ODAD2: variants seen among roughly 807,000 people sequenced by gnomAD.
ODAD2 encodes the protein outer dynein arm docking complex subunit 2, also known as outer dynein arm-docking complex subunit 2.
In ODAD2, 89 loss-of-function variants were observed where a neutral mutation model predicts 106.8. The ratio of observed to expected loss-of-function variants is 0.83; its 90% CI spans 0.70 to 0.99. The LOEUF (loss-of-function observed/expected upper bound fraction) is 0.99, where lower values mean the gene tolerates loss of function less well. ODAD2 is among the 50% of genes least tolerant of loss of function. The pLI, the probability that ODAD2 is intolerant of heterozygous loss-of-function variation, is 0.00. For missense variants in ODAD2, 1,168 were observed against 1,238.5 expected (o/e 0.94, Z 0.85); for synonymous variants, 404 against 436.2 (o/e 0.93, Z 0.92).
At chr10:27,856,946 G>A (rs184277182) in intron 19 of ODAD2, among the ~76,000 whole-genome samples, 1 of 152,160 alleles carries the variant, frequency 6.6e-6, no homozygotes, top group Admixed American at 6.5e-5. Flanking sequence ...CAGCCTGGAC[G>A]ACAAGACCGA....
intron 19 of ODAD2, among the ~76,000 whole-genome samples, chr10:27,830,105 T>C (rs934201850): frequency 3.3e-5 from 5 of 152,168 alleles, no homozygotes; most frequent in Admixed American, 6.5e-5. Flanking sequence ...TTGCTCCCCA[T>C]AGAGATCCTT....
intron 7 of ODAD2, among the ~76,000 whole-genome samples, chr10:27,973,016 CATTA>C (rs1198152911): frequency 1.3e-5 from 2 of 151,880 alleles, no homozygotes. Flanking sequence ...ATAAAATGAA[CATTA>C]ATAAGTTTAA....
At chr10:27,936,218 TTAAAA>T (rs575700355) in intron 15 of ODAD2, among the ~76,000 whole-genome samples, 94 of 152,240 alleles carry the variant, frequency 6.2e-4, no homozygotes, top group African/African-American at 2.2e-3. Context: ...GATTTGAAAA[TTAAAA>T]TAAATCAAAT....
At chr10:27,937,713 A>G (rs763052085) in intron 14 of ODAD2, among the ~76,000 whole-genome samples, 1 of 152,148 alleles carries the variant, frequency 6.6e-6, no homozygotes, top group Non-Finnish European at 1.5e-5. Flanking sequence ...TCACCCATGG[A>G]GGCCACTAGA....
At position 27,872,964 on chromosome 10, in the gene ODAD2, C is replaced by A. The variant is rs566981359; in HGVS notation, c.2611-10342G>T. Among the ~76,000 whole-genome samples the A allele has an allele frequency of 5.3e-5, 8 of 152,232 alleles. No homozygotes were observed. In the South Asian group the frequency reaches 1.7e-3, roughly 32 times the overall value. On this transcript the variant is annotated intron_variant, in intron 17 of 19. Transcript: ENST00000305242. ...TCCTCCTTGTACTTCTGGTAGCATT[C>A]GGCTATGAATCCCTCTGATCCTGGA...
At chr10:27,943,970 G>A (rs990180579) in intron 12 of ODAD2, among the ~76,000 whole-genome samples, 2 of 152,040 alleles carry the variant, frequency 1.3e-5, no homozygotes, top group African/African-American at 4.8e-5. Flanking sequence ...ACGTACAATA[G>A]GTGGTGACAG....
chr10:27,961,245 C>A (rs1286751842), intron 10 of ODAD2, among the ~76,000 whole-genome samples: 7 of 152,128 alleles, frequency 4.6e-5, no homozygotes, highest in Admixed American at 1.3e-4. Context: ...TAACCGAAGT[C>A]CAGCTTTAAA....
chr10:27,849,545 TATAATA>T (rs757625420), intron 19 of ODAD2, among the ~76,000 whole-genome samples: 1 of 151,556 alleles, frequency 6.6e-6, no homozygotes, highest in African/African-American at 2.4e-5. Context: ...GAACTTAAAA[TATAATA>T]ATAATAATAA....
intron 19 of ODAD2, among the ~76,000 whole-genome samples, chr10:27,830,654 T>G (rs1837405422): frequency 6.6e-6 from 1 of 152,184 alleles, no homozygotes; most frequent in African/African-American, 2.4e-5. Flanking sequence ...ATGAAGAGCA[T>G]AATTTTTATG....
chr10:27,893,159 A>C (rs80096294), intron 17 of ODAD2, among the ~76,000 whole-genome samples: 3 of 151,476 alleles, frequency 2.0e-5, no homozygotes, highest in African/African-American at 7.3e-5. Flanking sequence ...ACTCCTTCTC[A>C]AAAAAAAAGA....
At chr10:27,908,338 G>A (rs1228158099) in intron 16 of ODAD2, among the ~76,000 whole-genome samples, 2 of 152,144 alleles carry the variant, frequency 1.3e-5, no homozygotes, top group African/African-American at 2.4e-5. Flanking sequence ...TAACATTGCA[G>A]ACTGTGTTAT....
At chr10:27,923,573 A>G (rs937742153) in intron 16 of ODAD2, among the ~76,000 whole-genome samples, 9 of 152,166 alleles carry the variant, frequency 5.9e-5, no homozygotes, top group Non-Finnish European at 1.2e-4. Flanking sequence ...AAGTTCACAC[A>G]AAATAATAAG....
Position 27,963,952 on chromosome 10 carries a change from T to TG in ODAD2, c.1239-2238dup, listed in dbSNP as rs1180178493. Among the ~76,000 whole-genome samples the TG allele has an allele frequency of 7.9e-5, 12 of 152,176 alleles. No individual in the cohort carries two copies. The South Asian group carries it at 8.3e-4, about 11-fold the overall frequency. ...TAAAAATAATTTGGGCCGGGCATGG[T>TG]GGCTCACGCCTGTAATCCCAGCACT... On this transcript the variant is annotated intron_variant, in intron 9 of 19. Coordinates refer to ENST00000305242, the MANE Select transcript of ODAD2 (RefSeq NM_018076.5).
In ODAD2 at chr10:27,959,105, T is replaced by C; in HGVS notation, c.1386+2463A>G. 4.4e-6 allele frequency: 4 copies of C among 911,056 alleles called. No individual in the cohort carries two copies. In the South Asian group the frequency reaches 6.8e-5, roughly 15 times the overall value. 56.4% of individuals were successfully genotyped at this position (911,056 alleles called of 1,614,324 possible). On this transcript the variant is annotated intron_variant, in intron 10 of 19. Coordinates refer to ENST00000305242, the MANE Select transcript of ODAD2 (RefSeq NM_018076.5). ...TAATCCCAGCACTTTGGGAGGCCAATGTAGGAAGACTGCTTGAGGCCAGGA... is the reference window on the plus strand; with the variant it reads ...TAATCCCAGCACTTTGGGAGGCCAACGTAGGAAGACTGCTTGAGGCCAGGA...
intron 19 of ODAD2, among the ~76,000 whole-genome samples, chr10:27,817,492 T>C (rs747078043): frequency 1.3e-5 from 2 of 152,126 alleles, no homozygotes; most frequent in Non-Finnish European, 2.9e-5. Flanking sequence ...TAACCCTCAT[T>C]CCCCCTCCCC....
intron 19 of ODAD2, among the ~76,000 whole-genome samples, chr10:27,858,803 A>T (rs111343859): frequency 3.7e-4 from 48 of 128,750 alleles, no homozygotes; most frequent in East Asian, 9.0e-4. Context: ...ACCTTAGTAC[A>T]TTTTTTTTTT....
At chr10:27,909,516 G>A (rs1843838682) in intron 16 of ODAD2, among the ~76,000 whole-genome samples, 1 of 152,028 alleles carries the variant, frequency 6.6e-6, no homozygotes, top group Admixed American at 6.6e-5. Context: ...CATTACTGGT[G>A]TCTTAAAAGA....
intron 19 of ODAD2, among the ~76,000 whole-genome samples, chr10:27,819,358 T>C (rs1444188057): frequency 6.6e-6 from 1 of 152,038 alleles, no homozygotes; most frequent in African/African-American, 2.4e-5. Context: ...AAGGCAACTC[T>C]GGGGTGAGAG....
intron 18 of ODAD2, among the ~76,000 whole-genome samples, chr10:27,861,471 C>T (rs1840036208): frequency 6.6e-6 from 1 of 152,178 alleles, no homozygotes; most frequent in Non-Finnish European, 1.5e-5. Flanking sequence ...TACAGATCAG[C>T]AAGTTATTTT....
Sources: gnomAD v4.1 joint callset for allele counts (sites outside exome capture counted in the v4.1 genomes callset) on GRCh38, gnomAD v4.1.1 for gene constraint, MANE v1.5 for transcripts, NCBI Gene and HGNC (gene_info 2026-07-23, HGNC 2026-07-21) for gene names.